Variants in FOXP1 observed in about 807,000 individuals in gnomAD.
FOXP1 encodes forkhead box protein P1.
Under a neutral mutation model 98.2 loss-of-function variants are expected in FOXP1, and 15 were observed. The ratio of observed to expected loss-of-function variants is 0.15; its 90% CI spans 0.10 to 0.24. The LOEUF is 0.24. Among genes scored for constraint, FOXP1 ranks in the 10% least tolerant of loss-of-function variants. The pLI, the probability that FOXP1 is intolerant of heterozygous loss-of-function variation, is 1.00. For missense variants in FOXP1, 633 were observed against 848.5 expected, an observed-to-expected ratio of 0.75 and a Z score of 3.15; for synonymous variants, 371 against 314.5, an observed-to-expected ratio of 1.18 and a Z score of -1.90.
chr3:71,544,020 CAT>C (rs1560635481), intron 2 of FOXP1, among the ~76,000 whole-genome samples: 3 of 114,314 alleles, frequency 2.6e-5, no homozygotes, highest in Non-Finnish European at 2.1e-5. Flanking sequence ...TGTATACACA[CAT>C]ATACACACAT....
intron 6 of FOXP1, among the ~76,000 whole-genome samples, chr3:71,169,134 C>T (rs576479452): frequency 6.2e-4 from 94 of 152,216 alleles, no homozygotes; most frequent in South Asian, 2.1e-3. Flanking sequence ...GAGGTGGTGC[C>T]GTGACTATCA....
chr3:71,026,347 G>C (rs940038383), intron 11 of FOXP1, among the ~76,000 whole-genome samples: 2 of 152,188 alleles, frequency 1.3e-5, no homozygotes, highest in African/African-American at 4.8e-5. Flanking sequence ...GTTTGGAAAA[G>C]TAAAAGCTCA....
chr3:71,329,404 G>A (rs2076153048), intron 4 of FOXP1, among the ~76,000 whole-genome samples: 1 of 151,820 alleles, frequency 6.6e-6, no homozygotes, highest in Admixed American at 6.6e-5. Context: ...TGTATTTTTA[G>A]TAGAGACGGG....
chr3:71,533,938 G>A (rs1321877034), intron 2 of FOXP1, among the ~76,000 whole-genome samples: 4 of 152,124 alleles, frequency 2.6e-5, no homozygotes, highest in Non-Finnish European at 4.4e-5. Flanking sequence ...TTGGTGTCAC[G>A]GGAAGCCCAA....
chr3:71,295,706 G>A (rs980677708), intron 5 of FOXP1, among the ~76,000 whole-genome samples: 7 of 152,196 alleles, frequency 4.6e-5, no homozygotes, highest in African/African-American at 1.7e-4. Flanking sequence ...ATAAGATGAT[G>A]AATTTTACAA....
At chr3:71,461,803 G>C (rs535961463) in intron 3 of FOXP1, among the ~76,000 whole-genome samples, 4 of 137,572 alleles carry the variant, frequency 2.9e-5, no homozygotes, top group African/African-American at 1.1e-4. Context: ...CTGTATCGAA[G>C]AAAAAAAAAA....
intron 5 of FOXP1, among the ~76,000 whole-genome samples, chr3:71,266,450 A>G (rs1043068634): frequency 4.0e-5 from 6 of 151,768 alleles, no homozygotes; most frequent in African/African-American, 1.5e-4. Flanking sequence ...GGGTTTCACC[A>G]TATGTTGCCC....
intron 4 of FOXP1, among the ~76,000 whole-genome samples, chr3:71,317,536 C>G (rs935876997): frequency 5.9e-5 from 9 of 152,144 alleles, no homozygotes; most frequent in Non-Finnish European, 2.9e-5. Flanking sequence ...AAAATATTTT[C>G]CTTTTGGGAA....
chr3:71,407,131 G>A (rs1055404910), intron 3 of FOXP1, among the ~76,000 whole-genome samples: 1 of 152,026 alleles, frequency 6.6e-6, no homozygotes, highest in Non-Finnish European at 1.5e-5. Context: ...CATTGGGAAC[G>A]GCACGCCACC....
chr3:71,440,599 G>A (rs2108449979), intron 3 of FOXP1, among the ~76,000 whole-genome samples: 1 of 152,094 alleles, frequency 6.6e-6, no homozygotes, highest in Non-Finnish European at 1.5e-5. Flanking sequence ...AATCGGCTGA[G>A]GCAGAAGAAT....
At chr3:71,474,172 C>T (rs554166191) in intron 3 of FOXP1, among the ~76,000 whole-genome samples, 9 of 151,656 alleles carry the variant, frequency 5.9e-5, no homozygotes, top group East Asian at 1.9e-4. Flanking sequence ...CACAATAGCA[C>T]GAGAATTAGT....
rs977854737 is a variant in FOXP1 at position 71,242,503 on chromosome 3, T to C, written c.-11-44111A>G. ...TTGTCAATTTTGGCTGGAATCAGCA[T>C]GCACACAAATTTCGTATATGTGAAA... is the stretch of plus-strand genomic sequence containing the variant. On this transcript the variant is annotated intron_variant, in intron 5 of 20. Transcript: ENST00000649528. Among the ~76,000 whole-genome samples the C allele has an allele frequency of 7.2e-5, 11 of 152,340 alleles. 1 individual carries two copies. The highest frequency in any genetic ancestry group is 4.1e-4 in the South Asian group (2 of 4,830).
chr3:70,998,827 T>TC (rs2041739412), intron 13 of FOXP1, among the ~76,000 whole-genome samples: 1 of 152,242 alleles, frequency 6.6e-6, no homozygotes, highest in Admixed American at 6.5e-5. Context: ...ATGGTCTAAA[T>TC]CTTTTCCTTC....
At chr3:71,437,195 C>CT (rs878887304) in intron 3 of FOXP1, among the ~76,000 whole-genome samples, 2 of 152,202 alleles carry the variant, frequency 1.3e-5, no homozygotes, top group South Asian at 4.1e-4. Flanking sequence ...TTGCTCGAGC[C>CT]TAGGAGTTCG....
intron 7 of FOXP1, among the ~76,000 whole-genome samples, chr3:71,093,696 T>C (rs2107618587): frequency 6.6e-6 from 1 of 151,718 alleles, no homozygotes; most frequent in East Asian, 2.0e-4. Context: ...AGTGAATAGA[T>C]GGATGGATGA....
At chr3:71,294,609 T>C (rs1050642462) in intron 5 of FOXP1, among the ~76,000 whole-genome samples, 17 of 152,070 alleles carry the variant, frequency 1.1e-4, no homozygotes, top group Non-Finnish European at 2.4e-4. Flanking sequence ...TGTATGTATG[T>C]ACATACATCT....
At chr3:71,458,109 C>A (rs1050316876) in intron 3 of FOXP1, among the ~76,000 whole-genome samples, 2 of 152,200 alleles carry the variant, frequency 1.3e-5, no homozygotes, top group Non-Finnish European at 1.5e-5. Context: ...TACTAAAGGG[C>A]TTGCTATTAC....
At chr3:71,444,187 C>G (rs1047950586) in intron 3 of FOXP1, among the ~76,000 whole-genome samples, 4 of 152,210 alleles carry the variant, frequency 2.6e-5, no homozygotes, top group African/African-American at 9.7e-5. Context: ...CGGCCTACTT[C>G]CCTATTTTCA....
chr3:71,192,012 C>T (rs1222860583), intron 6 of FOXP1, among the ~76,000 whole-genome samples: 1 of 152,076 alleles, frequency 6.6e-6, no homozygotes, highest in Non-Finnish European at 1.5e-5. Context: ...AGGTGCTAGC[C>T]CCCAGCACAG....
Sources: allele counts gnomAD v4.1 joint callset (sites outside exome capture counted in the v4.1 genomes callset), GRCh38; gene constraint gnomAD v4.1.1; transcripts MANE v1.5; gene names NCBI Gene and HGNC (gene_info 2026-07-23, HGNC 2026-07-21).